The following NUP153 variants were observed in gnomAD, a reference collection of about 807,000 sequenced individuals.
NUP153 encodes nucleoporin 153, also known as nuclear pore complex protein Nup153.
In NUP153, 27 loss-of-function variants were observed where a neutral mutation model predicts 134.6. The ratio of observed to expected loss-of-function variants is 0.20; its 90% CI spans 0.15 to 0.28. The LOEUF is 0.28. NUP153 is among the 10% of genes least tolerant of loss of function. The pLI, the probability that NUP153 is intolerant of heterozygous loss-of-function variation, is 1.00. For missense variants in NUP153, 1,821 were observed against 1,731.3 expected (o/e 1.05, Z -0.92); for synonymous variants, 640 against 623.5 (o/e 1.03, Z -0.40).
chr6:17,702,721 C>T (rs999273957), intron 1 of NUP153, among the ~76,000 whole-genome samples: 4 of 152,022 alleles, frequency 2.6e-5, no homozygotes, highest in African/African-American at 9.7e-5. Context: ...TTCCTAAATG[C>T]ATCTAGGCAA....
intron 2 of NUP153, among the ~76,000 whole-genome samples, chr6:17,684,947 G>C (rs573105885): frequency 1.4e-4 from 22 of 152,198 alleles, no homozygotes; most frequent in African/African-American, 4.8e-4. Flanking sequence ...AATTACAATA[G>C]TAATACCAAA....
At chr6:17,619,140 G>C (rs528346401) in intron 20 of NUP153, among the ~76,000 whole-genome samples, 100 of 152,134 alleles carry the variant, frequency 6.6e-4, no homozygotes, top group Non-Finnish European at 1.2e-3. Context: ...ACAGGCCAAA[G>C]AGCAAAGATC....
In NUP153 at chr6:17,679,539, A is replaced by C. The variant is rs1195598600; in HGVS notation, c.335-3769T>G. On this transcript the variant is annotated intron_variant, in intron 2 of 21. Coordinates refer to ENST00000262077, the MANE Select transcript of NUP153 (RefSeq NM_005124.4). ...ATCCTAAAATTCATATGGAATCTCA[A>C]GGAACCTCAAAATGCCAAAATAATC... Among the ~76,000 whole-genome samples, 4 of 152,218 alleles carry C rather than the reference A, an allele frequency of 2.6e-5. No individual in the cohort carries two copies. The South Asian group carries it at 6.2e-4, about 24-fold the overall frequency.
chr6:17,699,150 A>G (rs1048542808), intron 1 of NUP153, among the ~76,000 whole-genome samples: 3 of 151,976 alleles, frequency 2.0e-5, no homozygotes, highest in African/African-American at 7.3e-5. Context: ...TTTTAAAAAT[A>G]TATTACAACC....
intron 16 of NUP153, among the ~76,000 whole-genome samples, chr6:17,634,457 G>C (rs1454573389): frequency 6.7e-6 from 1 of 149,368 alleles, no homozygotes; most frequent in African/African-American, 2.5e-5. Flanking sequence ...TTTTTTTTGA[G>C]ACAGAGTCTC....
rs1768508059 is a variant in NUP153, at chr6:17,680,425, C to A, written c.335-4655G>T. On this transcript the variant is annotated intron_variant, in intron 2 of 21. Transcript: ENST00000262077. The surrounding 1 kb of genome is among the most constrained non-coding windows in gnomAD (Gnocchi z 4.5). Reference sequence around the variant, plus strand: ...CACATGAAAAAGAATGAACCCTTATCTTGAACCATATACAAAAATTAACTC... The same window carrying A: ...CACATGAAAAAGAATGAACCCTTATATTGAACCATATACAAAAATTAACTC... Among the ~76,000 whole-genome samples the A allele has an allele frequency of 6.6e-6, 1 of 152,184 alleles. No individual in the cohort carries two copies. The highest frequency in any genetic ancestry group is 2.4e-5 in the African/African-American group (1 of 41,444).
intron 14 of NUP153, 74 bp downstream of exon 14, chr6:17,645,993 G>T (rs2113795512): frequency 7.2e-6 from 4 of 556,572 alleles, no homozygotes; most frequent in Non-Finnish European, 9.5e-6. Context: ...AATTACCAAA[G>T]GTGAAAGAAG....
chr6:17,699,733 G>A (rs186341977), intron 1 of NUP153, among the ~76,000 whole-genome samples: 5 of 152,062 alleles, frequency 3.3e-5, no homozygotes, highest in Admixed American at 6.6e-5. Flanking sequence ...TACTCAGGAG[G>A]CTGAAGCAGG....
At chr6:17,652,018 C>G in intron 11 of NUP153, 1 of 432,836 alleles carries the variant, frequency 2.3e-6, no homozygotes, top group South Asian at 6.0e-5. Flanking sequence ...CCACTGCACT[C>G]CAGCCTGGGT....
rs1409619961 is a variant in NUP153, at chr6:17,675,323, G to A, written c.629C>T (p.Pro210Leu). 2 of 1,613,852 alleles carry A rather than the reference G, an allele frequency of 1.2e-6. No individual in the cohort carries two copies. Among genetic ancestry groups the A allele is most frequent in the African/African-American group, 1.3e-5 (1 of 74,876 alleles). ...GAGTGAGTGAGAACGTTCAGCTTCT[G>A]GGGACCACAGAGGTGGCAATGAAGT... is the stretch of plus-strand genomic sequence containing the variant. ...KNTSLPPLWSPEAERSHSLSQ... is the reference protein window; with the variant it reads ...KNTSLPPLWSLEAERSHSLSQ... The change falls in exon 4 of 22, where the codon CCA (proline) becomes CTA (leucine). Residue 210 changes from proline (P) to leucine (L), a missense_variant. Physicochemically the swap from Pro to Leu is moderately conservative, Grantham distance 98. Transcript: ENST00000262077. This position sits in a 1 kb window ranked among gnomAD's most constrained non-coding sequence, Gnocchi z 4.4.
At chr6:17,665,593 A>G (rs1274198169) in intron 8 of NUP153, among the ~76,000 whole-genome samples, 2 of 152,342 alleles carry the variant, frequency 1.3e-5, no homozygotes, top group South Asian at 2.1e-4. Flanking sequence ...ATACACACAT[A>G]TAATTCTAAA....
chr6:17,626,510 G>A (rs1764958089), intron 18 of NUP153, among the ~76,000 whole-genome samples: 1 of 152,070 alleles, frequency 6.6e-6, no homozygotes, highest in African/African-American at 2.4e-5. Context: ...GTTTTATTTT[G>A]CAATTTATAT....
intron 8 of NUP153, 22 bp from the exon 9 acceptor site, chr6:17,665,407 A>G (rs1388347619): frequency 6.3e-7 from 1 of 1,579,998 alleles, no homozygotes; most frequent in Non-Finnish European, 8.6e-7. Flanking sequence ...AGAGAAATCA[A>G]AAACATTTAT....
chr6:17,663,260 C>CATATATATAT (rs1554141763), intron 9 of NUP153, among the ~76,000 whole-genome samples: 25 of 140,074 alleles, frequency 1.8e-4, no homozygotes, highest in Non-Finnish European at 2.3e-4. Flanking sequence ...CACACACACA[C>CATATATATAT]ATATATATAT....
At chr6:17,679,660 G>A (rs577084098) in intron 2 of NUP153, among the ~76,000 whole-genome samples, 1 of 152,328 alleles carries the variant, frequency 6.6e-6, no homozygotes, top group South Asian at 2.1e-4. Flanking sequence ...ACTGGTGAGA[G>A]AGAACAGGAG....
chr6:17,626,432 C>T (rs1270563401), intron 18 of NUP153, among the ~76,000 whole-genome samples: 1 of 152,114 alleles, frequency 6.6e-6, no homozygotes, highest in Non-Finnish European at 1.5e-5. Flanking sequence ...CACCTCGAAT[C>T]CAAATCTAAC....
chr6:17,616,637 T>G lies in NUP153; in HGVS notation c.4233A>C (p.Pro1411=). 6.2e-7 allele frequency: 1 copy of G among 1,613,904 alleles called. No homozygotes were observed. Among genetic ancestry groups the G allele is most frequent in the Non-Finnish European group, 8.5e-7 (1 of 1,179,756 alleles). The change falls in exon 21 of 22, where the codon CCA becomes CCC. Residue 1411 remains proline (P), a synonymous_variant. Coordinates refer to ENST00000262077, the MANE Select transcript of NUP153 (RefSeq NM_005124.4). The stretch of plus-strand genomic sequence containing the variant: ...TTGCACCAAATGTGAACACTCCTGA[T>G]GGACTGTTGTTTGTGAAGTTGAAAT... ...TTNFNFTNNS[P]SGVFTFGANS...
At chr6:17,649,440 G>T in intron 11 of NUP153, 140 bp from the exon 12 acceptor site, 1 of 749,530 alleles carries the variant, frequency 1.3e-6, no homozygotes, top group Non-Finnish European at 2.0e-6. Flanking sequence ...CAGAAAAACT[G>T]AACATGATTT....
chr6:17,641,696 AC>A (rs1012194226), intron 14 of NUP153, among the ~76,000 whole-genome samples: 1 of 152,130 alleles, frequency 6.6e-6, no homozygotes, highest in Non-Finnish European at 1.5e-5. Flanking sequence ...TACTAAAAAT[AC>A]AAAACAAATT....
Sources: gnomAD v4.1 joint callset for allele counts (sites outside exome capture counted in the v4.1 genomes callset) on GRCh38, gnomAD v4.1.1 for gene constraint, Gnocchi (gnomAD v3.1) non-coding constraint, MANE v1.5 for transcripts, NCBI Gene and HGNC (gene_info 2026-07-23, HGNC 2026-07-21) for gene names.